Variants in ZNF69 observed in about 807,000 individuals in gnomAD.
The protein encoded by ZNF69 is zinc finger protein 69, also known as ZNF3.
ZNF69 carries 47 observed loss-of-function variants against 50.9 expected under a neutral mutation model. The observed-to-expected ratio is 0.92, with a 90% CI of 0.73 to 1.18. The LOEUF is 1.18. Among genes scored for constraint, ZNF69 ranks in the 50% most tolerant of loss-of-function variants. ZNF69 has a pLI of 0.00. For missense variants in ZNF69, 717 were observed against 675.1 expected, an observed-to-expected ratio of 1.06 and a Z score of -0.69; for synonymous variants, 216 against 223.1, an observed-to-expected ratio of 0.97 and a Z score of 0.29.
the ZNF69 span, among the ~76,000 whole-genome samples, chr19:11,966,029 GGGGTCTGTTATC>G: frequency 6.6e-6 from 1 of 152,088 alleles, no homozygotes; most frequent in African/African-American, 2.4e-5. Context: ...CTGAAGGAAG[GGGGTCTGTTATC>G]TGCCACTTGA....
At chr19:11,899,374 C>T (rs1972195681) in intron 1 of ZNF69, among the ~76,000 whole-genome samples, 2 of 152,154 alleles carry the variant, frequency 1.3e-5, no homozygotes, top group African/African-American at 4.8e-5. Context: ...GGTGATCCTC[C>T]TGCCTGAGCT....
chr19:11,977,478 A>G, the ZNF69 span: 4 of 1,591,538 alleles, frequency 2.5e-6, no homozygotes, highest in Non-Finnish European at 3.4e-6. Context: ...TGATTTTAGT[A>G]TATGATAATA....
At chr19:11,927,103 A>T in the ZNF69 span, among the ~76,000 whole-genome samples, 1 of 152,180 alleles carries the variant, frequency 6.6e-6, no homozygotes, top group Non-Finnish European at 1.5e-5. Context: ...CTGTAATCCA[A>T]GCACTTTGGG....
the ZNF69 span, chr19:11,950,423 T>G: frequency 9.2e-6 from 7 of 761,864 alleles, no homozygotes. Flanking sequence ...TTCATTCCTT[T>G]TACTTCTTTT....
At chr19:11,958,655 C>T in the ZNF69 span, among the ~76,000 whole-genome samples, 305 of 152,276 alleles carry the variant, frequency 2.0e-3, 2 homozygotes, top group African/African-American at 6.8e-3. Context: ...TCACATTTCC[C>T]TCACACACTG....
At chr19:11,975,369 C>T in the ZNF69 span, among the ~76,000 whole-genome samples, 26 of 151,880 alleles carry the variant, frequency 1.7e-4, no homozygotes, top group East Asian at 1.7e-3. Flanking sequence ...CCACTGCACC[C>T]GGCCAAGATG....
At chr19:11,931,798 T>A in the ZNF69 span, among the ~76,000 whole-genome samples, 2 of 148,348 alleles carry the variant, frequency 1.3e-5, 1 homozygote, top group African/African-American at 5.3e-5. Context: ...TCTTGAGACT[T>A]TTTTGGACTT....
Position 11,905,870 on chromosome 19 carries a change from A to G in ZNF69, c.1473A>G (p.Lys491=). The G allele has an allele frequency of 6.2e-7, 1 of 1,612,692 alleles. No homozygotes were observed. Among genetic ancestry groups the G allele is most frequent in the Non-Finnish European group, 8.5e-7 (1 of 1,179,636 alleles). ...KLCGKGFYCP[K]SLQRHEKTHT... ...GTGGGAAAGGCTTTTATTGTCCCAA[A>G]TCATTGCAAAGACATGAAAAAACTC... The change falls in exon 4 of 4, where the codon AAA becomes AAG. Residue 491 remains lysine (K), a synonymous_variant. Transcript: ENST00000429654.
chr19:11,933,846 GAA>G, the ZNF69 span, among the ~76,000 whole-genome samples: 39 of 106,602 alleles, frequency 3.7e-4, 2 homozygotes, highest in African/African-American at 9.6e-4. Flanking sequence ...CTCCATCTCA[GAA>G]AAAAAAAAAA....
chr19:11,939,697 T>C, the ZNF69 span, among the ~76,000 whole-genome samples: 3 of 152,174 alleles, frequency 2.0e-5, no homozygotes, highest in African/African-American at 7.2e-5. Context: ...CTGACCTCCA[T>C]AATTGCACCT....
At chr19:11,968,746 G>A in the ZNF69 span, among the ~76,000 whole-genome samples, 1 of 152,216 alleles carries the variant, frequency 6.6e-6, no homozygotes, top group Admixed American at 6.5e-5. Flanking sequence ...GGGGCCTGGC[G>A]GGATGGCTCA....
chr19:11,941,429 G>A, the ZNF69 span, among the ~76,000 whole-genome samples: 3 of 152,228 alleles, frequency 2.0e-5, no homozygotes, highest in East Asian at 1.9e-4. Flanking sequence ...TGCAGGTCCC[G>A]AGCCCTGCCC....
In ZNF69 at chr19:11,904,711, C is replaced by T; in HGVS notation, c.314C>T (p.Thr105Ile). The stretch of plus-strand genomic sequence containing the variant: ...GACAGTCATTGTGGAGAAACTTTTA[C>T]CCAGGTTCCAGATGACAGGCTGAAC... Reference protein sequence around the residue: ...KDDSHCGETFTQVPDDRLNFQ... With the variant: ...KDDSHCGETFIQVPDDRLNFQ... Residue 105 changes from threonine to isoleucine, a missense_variant, in exon 4 of 4, where the codon ACC (threonine) becomes ATC (isoleucine). Thr to Ile is a moderately conservative substitution (Grantham distance 89). Transcript: ENST00000429654. 6.2e-7 allele frequency: 1 copy of T among 1,613,888 alleles called. No homozygotes were observed. Among genetic ancestry groups the T allele is most frequent in the Non-Finnish European group, 8.5e-7 (1 of 1,179,836 alleles).
chr19:11,966,107 A>C, the ZNF69 span, among the ~76,000 whole-genome samples: 1 of 152,204 alleles, frequency 6.6e-6, no homozygotes, highest in Non-Finnish European at 1.5e-5. Context: ...ATTCCAAGGC[A>C]TGACTTACCC....
At chr19:11,933,545 C>T in the ZNF69 span, among the ~76,000 whole-genome samples, 4 of 147,628 alleles carry the variant, frequency 2.7e-5, no homozygotes, top group Non-Finnish European at 4.4e-5. Flanking sequence ...TCTGCCACCC[C>T]TATTTATCCC....
At chr19:11,932,453 C>G in the ZNF69 span, among the ~76,000 whole-genome samples, 4 of 148,218 alleles carry the variant, frequency 2.7e-5, 1 homozygote, top group South Asian at 8.3e-4. Context: ...ATTCTAGAAA[C>G]TAACTAAAAG....
intron 1 of ZNF69, among the ~76,000 whole-genome samples, chr19:11,903,343 C>G (rs929264235): frequency 6.6e-6 from 1 of 151,988 alleles, no homozygotes; most frequent in Admixed American, 6.6e-5. Context: ...GTGGTAGAAC[C>G]CCGGCAGTGA....
chr19:11,925,184 G>A, the ZNF69 span: 23 of 1,610,884 alleles, frequency 1.4e-5, no homozygotes, highest in South Asian at 2.3e-4. Context: ...CCTGTACCCA[G>A]GCTTCTGTCG....
the ZNF69 span, among the ~76,000 whole-genome samples, chr19:11,974,490 CT>C: frequency 6.6e-6 from 1 of 151,898 alleles, no homozygotes; most frequent in East Asian, 1.9e-4. Flanking sequence ...GCCACTGCCC[CT>C]GGCCTGTTTT....
Sources: gnomAD v4.1 joint callset for allele counts (sites outside exome capture counted in the v4.1 genomes callset) on GRCh38, gnomAD v4.1.1 for gene constraint, MANE v1.5 for transcripts, NCBI Gene and HGNC (gene_info 2026-07-23, HGNC 2026-07-21) for gene names.